Variants in CCDC102B observed in about 807,000 individuals in gnomAD.
The protein encoded by CCDC102B is coiled-coil domain-containing protein 102B.
Under a neutral mutation model 57.4 loss-of-function variants are expected in CCDC102B, and 75 were observed. The observed-to-expected ratio is 1.31, with a 90% CI of 1.08 to 1.58. CCDC102B has a LOEUF of 1.58. Among genes scored for constraint, CCDC102B ranks in the 40% most tolerant of loss-of-function variants. The probability of loss-of-function intolerance (pLI) is 0.00; values close to 1 mark genes in which losing one functional copy is unlikely to be tolerated. For missense variants in CCDC102B, 636 were observed against 582.6 expected (o/e 1.09, Z -0.94); for synonymous variants, 206 against 201.9 (o/e 1.02, Z -0.17).
chr18:68,913,396 C>A (rs1184435020), intron 6 of CCDC102B, among the ~76,000 whole-genome samples: 1 of 150,446 alleles, frequency 6.6e-6, no homozygotes, highest in African/African-American at 2.4e-5. Flanking sequence ...CCTATACTCC[C>A]AGCACTTTGG....
chr18:69,037,065 A>G (rs2052315854), intron 7 of CCDC102B, among the ~76,000 whole-genome samples: 1 of 152,006 alleles, frequency 6.6e-6, no homozygotes, highest in South Asian at 2.1e-4. Flanking sequence ...ACATACATAT[A>G]TACACGCACA....
chr18:68,731,147 G>A (rs931472442), intron 2 of CCDC102B, among the ~76,000 whole-genome samples: 3 of 151,836 alleles, frequency 2.0e-5, no homozygotes, highest in Non-Finnish European at 4.4e-5. Flanking sequence ...CCACCACCCC[G>A]GCTAATTTTT....
At chr18:69,047,842 A>G (rs1429739499) in intron 7 of CCDC102B, among the ~76,000 whole-genome samples, 1 of 152,112 alleles carries the variant, frequency 6.6e-6, no homozygotes, top group Non-Finnish European at 1.5e-5. Context: ...GAGGTAAAAT[A>G]TCTCTACAAT....
intron 2 of CCDC102B, among the ~76,000 whole-genome samples, chr18:68,746,732 C>CT (rs1264654167): frequency 1.3e-5 from 2 of 151,586 alleles, no homozygotes; most frequent in African/African-American, 4.9e-5. Flanking sequence ...GGGTTATCAT[C>CT]TTTTTTTTTT....
chr18:68,917,386 G>A (rs1203279429), intron 6 of CCDC102B, among the ~76,000 whole-genome samples: 5 of 152,114 alleles, frequency 3.3e-5, no homozygotes, highest in South Asian at 2.1e-4. Flanking sequence ...ATAGCTACAC[G>A]TACTGTGGAA....
At chr18:68,822,712 G>A (rs549973769) in intron 1 of CCDC102B, among the ~76,000 whole-genome samples, 51 of 152,268 alleles carry the variant, frequency 3.3e-4, no homozygotes, top group African/African-American at 1.2e-3. Context: ...CCACTTTAAA[G>A]TGAGAACATG....
intron 1 of CCDC102B, among the ~76,000 whole-genome samples, chr18:68,810,273 T>C (rs1240852017): frequency 6.6e-6 from 1 of 152,200 alleles, no homozygotes; most frequent in African/African-American, 2.4e-5. Context: ...CTTTAGTCTT[T>C]TTTTTAACCA....
chr18:68,738,623 A>T (rs769414256), intron 2 of CCDC102B, among the ~76,000 whole-genome samples: 1 of 152,208 alleles, frequency 6.6e-6, no homozygotes, highest in Non-Finnish European at 1.5e-5. Context: ...TGGCTGCTTC[A>T]TCTGAGCCCA....
At chr18:68,827,027 CA>C (rs1327838492) in intron 1 of CCDC102B, among the ~76,000 whole-genome samples, 1 of 151,740 alleles carries the variant, frequency 6.6e-6, no homozygotes, top group Non-Finnish European at 1.5e-5. Flanking sequence ...GGAGATGGTA[CA>C]TTTTTAAGTG....
At chr18:68,833,760 A>C (rs1472891575) in intron 1 of CCDC102B, among the ~76,000 whole-genome samples, 1 of 152,116 alleles carries the variant, frequency 6.6e-6, no homozygotes, top group Non-Finnish European at 1.5e-5. Context: ...TTTTTTAGTG[A>C]TATTATATAT....
At chr18:68,928,861 A>C (rs1474183719) in intron 6 of CCDC102B, among the ~76,000 whole-genome samples, 1 of 151,802 alleles carries the variant, frequency 6.6e-6, no homozygotes, top group African/African-American at 2.4e-5. Context: ...GTAGGGCAAG[A>C]AAGTAGTTGA....
At chr18:68,890,083 G>T (rs975865246) in intron 5 of CCDC102B, among the ~76,000 whole-genome samples, 8 of 152,030 alleles carry the variant, frequency 5.3e-5, no homozygotes, top group Non-Finnish European at 1.2e-4. Flanking sequence ...CCTTTCAGTG[G>T]ACAGGGATAG....
At chr18:68,910,052 G>A (rs575442151) in intron 6 of CCDC102B, among the ~76,000 whole-genome samples, 220 of 152,270 alleles carry the variant, frequency 1.4e-3, no homozygotes, top group African/African-American at 5.0e-3. Context: ...CACTTTGGGA[G>A]GATGAGGAGG....
At chr18:68,964,756 C>T (rs926976577) in intron 6 of CCDC102B, among the ~76,000 whole-genome samples, 2 of 151,774 alleles carry the variant, frequency 1.3e-5, no homozygotes, top group African/African-American at 4.8e-5. Context: ...TTTAGCTCAT[C>T]TTTTACCTTA....
chr18:69,005,005 CTTG>C (rs2051303204), intron 6 of CCDC102B, among the ~76,000 whole-genome samples: 1 of 152,054 alleles, frequency 6.6e-6, no homozygotes, highest in Admixed American at 6.5e-5. Context: ...TGAATTTATT[CTTG>C]TTGAAGATAC....
intron 5 of CCDC102B, among the ~76,000 whole-genome samples, chr18:68,887,964 C>G (rs953601698): frequency 1.3e-5 from 2 of 152,132 alleles, no homozygotes; most frequent in Non-Finnish European, 2.9e-5. Context: ...ATGTAGCACT[C>G]AGAGACAGAC....
At chr18:68,734,967 A>G (rs1159771067) in intron 2 of CCDC102B, among the ~76,000 whole-genome samples, 1 of 152,232 alleles carries the variant, frequency 6.6e-6, no homozygotes, top group Non-Finnish European at 1.5e-5. Context: ...TTCCTTCATG[A>G]AAGTTTATAC....
chr18:68,959,605 G>A (rs1032429400), intron 6 of CCDC102B, among the ~76,000 whole-genome samples: 2 of 152,046 alleles, frequency 1.3e-5, no homozygotes, highest in Admixed American at 1.3e-4. Context: ...GAGTTCCCCT[G>A]TGCCTCAGCA....
At chr18:68,723,899 G>A (rs1320171444) in intron 2 of CCDC102B, among the ~76,000 whole-genome samples, 1 of 152,204 alleles carries the variant, frequency 6.6e-6, no homozygotes, top group Non-Finnish European at 1.5e-5. Flanking sequence ...GGGCTGTGAT[G>A]AAACATTTCC....
Sources: gnomAD v4.1 joint callset for allele counts (sites outside exome capture counted in the v4.1 genomes callset) on GRCh38, gnomAD v4.1.1 for gene constraint, MANE v1.5 for transcripts, NCBI Gene and HGNC (gene_info 2026-07-23, HGNC 2026-07-21) for gene names.